GLI3: variants seen among roughly 807,000 people sequenced by gnomAD.
GLI3 encodes GLI family zinc finger 3.
In GLI3, 20 loss-of-function variants were observed where a neutral mutation model predicts 100.8. The observed-to-expected ratio is 0.20, with a 90% CI of 0.14 to 0.29. GLI3 has a LOEUF of 0.29. Among genes scored for constraint, GLI3 ranks in the 10% least tolerant of loss-of-function variants. The pLI is 1.00. For synonymous variants in GLI3, 938 were observed against 860.5 expected (o/e 1.09, Z -1.58); for missense variants, 2,040 against 2,128.5 (o/e 0.96, Z 0.82).
intron 3 of GLI3, among the ~76,000 whole-genome samples, chr7:42,118,954 A>T (rs899769801): frequency 6.6e-6 from 1 of 152,156 alleles, no homozygotes; most frequent in Admixed American, 6.5e-5. Context: ...CATTTGGGTG[A>T]CCCTTTCACA....
chr7:42,258,339 G>A (rs1233324898), intron 1 of GLI3, among the ~76,000 whole-genome samples: 3 of 152,188 alleles, frequency 2.0e-5, no homozygotes, highest in Non-Finnish European at 4.4e-5. Context: ...CTGTAATCAA[G>A]TAGGATTTTG....
intron 2 of GLI3, among the ~76,000 whole-genome samples, chr7:42,200,036 A>G (rs186234235): frequency 9.6e-4 from 146 of 152,320 alleles, no homozygotes; most frequent in African/African-American, 3.3e-3. Flanking sequence ...AGCCTGGACA[A>G]CAACAGCAAA....
intron 10 of GLI3, among the ~76,000 whole-genome samples, chr7:41,992,401 T>G (rs1788012297): frequency 6.6e-6 from 1 of 152,134 alleles, no homozygotes; most frequent in Non-Finnish European, 1.5e-5. Context: ...TGGAGATGCC[T>G]CCAGGACATC....
chr7:42,130,322 C>T (rs1786243624), intron 3 of GLI3, among the ~76,000 whole-genome samples: 1 of 152,050 alleles, frequency 6.6e-6, no homozygotes, highest in Admixed American at 6.5e-5. Flanking sequence ...GGGAATGACA[C>T]CCAAGGATCA....
At chr7:42,078,170 G>A (rs1191848661) in intron 3 of GLI3, among the ~76,000 whole-genome samples, 2 of 152,204 alleles carry the variant, frequency 1.3e-5, no homozygotes, top group African/African-American at 4.8e-5. Flanking sequence ...CGGCAACACC[G>A]CCATCCCAAC....
At chr7:42,099,825 C>G (rs1235080282) in intron 3 of GLI3, among the ~76,000 whole-genome samples, 1 of 152,254 alleles carries the variant, frequency 6.6e-6, no homozygotes, top group Non-Finnish European at 1.5e-5. Flanking sequence ...TCCACTGCAT[C>G]TGGCCATGAT....
chr7:42,178,840 G>A (rs1787534006), intron 2 of GLI3, among the ~76,000 whole-genome samples: 1 of 152,194 alleles, frequency 6.6e-6, no homozygotes, highest in Non-Finnish European at 1.5e-5. Context: ...GGCAGACAGA[G>A]CAAGGTGATC....
intron 9 of GLI3, 114 bp from the exon 10 acceptor site, chr7:42,023,722 T>G: frequency 1.1e-6 from 1 of 895,314 alleles, no homozygotes; most frequent in South Asian, 1.4e-5. Flanking sequence ...TCTAGGGTTT[T>G]GTGAAGTGAA....
At chr7:42,177,710 T>C (rs138711509) in intron 2 of GLI3, among the ~76,000 whole-genome samples, 9 of 152,164 alleles carry the variant, frequency 5.9e-5, no homozygotes, top group African/African-American at 1.4e-4. Flanking sequence ...TGAAAAAACA[T>C]AGATGGGCCA....
chr7:42,229,967 A>G (rs941392851), intron 1 of GLI3, among the ~76,000 whole-genome samples: 1 of 152,028 alleles, frequency 6.6e-6, no homozygotes, highest in Admixed American at 6.6e-5. Flanking sequence ...CCTTGTGTTC[A>G]AAATATCTTC....
At chr7:42,075,696 C>A (rs1032953539) in intron 4 of GLI3, among the ~76,000 whole-genome samples, 1 of 152,168 alleles carries the variant, frequency 6.6e-6, no homozygotes, top group Admixed American at 6.5e-5. Context: ...TATTACTTAC[C>A]TCCAGGCAAA....
chr7:41,978,140 G>A (rs556066612), intron 11 of GLI3, among the ~76,000 whole-genome samples: 8 of 152,330 alleles, frequency 5.3e-5, no homozygotes, highest in East Asian at 1.9e-4. Context: ...TGCCCAGTGC[G>A]CCTCGTGGGC....
At chr7:42,101,200 C>T (rs759128003) in intron 3 of GLI3, among the ~76,000 whole-genome samples, 2 of 152,182 alleles carry the variant, frequency 1.3e-5, no homozygotes, top group Admixed American at 6.5e-5. Context: ...GTATGCCCAT[C>T]GTCATTTTCT....
At chr7:42,127,942 G>A (rs2128775089) in intron 3 of GLI3, among the ~76,000 whole-genome samples, 1 of 150,940 alleles carries the variant, frequency 6.6e-6, no homozygotes, top group East Asian at 2.0e-4. Flanking sequence ...AACCCAGGAG[G>A]CAGGAGGCGG....
At chr7:42,199,304 A>G (rs1040928293) in intron 2 of GLI3, among the ~76,000 whole-genome samples, 34 of 152,222 alleles carry the variant, frequency 2.2e-4, no homozygotes, top group African/African-American at 6.5e-4. Flanking sequence ...ATCCACAGAC[A>G]TTAGTATGCA....
In GLI3 at chr7:42,051,752, A is replaced by C. The variant is rs369826267; in HGVS notation, c.474-3056T>G. Among the ~76,000 whole-genome samples the C allele has an allele frequency of 7.4e-3, 1,125 of 151,540 alleles. 20 individuals carry two copies. The highest frequency in any genetic ancestry group is 0.025 in the African/African-American group (1,045 of 41,274). Reference sequence around the variant, plus strand: ...TACAGAGATTTCCCATATAACCCCCACCCCCAGCCTCTACATATAAATAGC... The same window carrying C: ...TACAGAGATTTCCCATATAACCCCCCCCCCCAGCCTCTACATATAAATAGC... On this transcript the variant is annotated intron_variant, in intron 4 of 14. Coordinates refer to ENST00000395925, the MANE Select transcript of GLI3 (RefSeq NM_000168.6).
At chr7:42,254,917 TTAAAA>T (rs549652939) in intron 1 of GLI3, among the ~76,000 whole-genome samples, 2 of 152,118 alleles carry the variant, frequency 1.3e-5, no homozygotes, top group South Asian at 4.1e-4. Flanking sequence ...CTCATTGCTC[TTAAAA>T]TAAAATTCAA....
chr7:41,980,750 T>C (rs1562668235), intron 10 of GLI3, among the ~76,000 whole-genome samples: 1 of 152,248 alleles, frequency 6.6e-6, no homozygotes, highest in East Asian at 1.9e-4. Context: ...CTGCTTAAGG[T>C]TGGATCCATG....
Position 41,965,747 on chromosome 7 carries a change from T to C in GLI3, c.3326A>G (p.Glu1109Gly). 1 of 1,613,460 alleles carries C rather than the reference T, an allele frequency of 6.2e-7. No homozygotes were observed. Among genetic ancestry groups the C allele is most frequent in the Non-Finnish European group, 8.5e-7 (1 of 1,179,920 alleles). ...CGGGAGGGCGCTGGGGAAGTGCTGC[T>C]CGTACCCTGCTTGGTTCTGGGAATT... ...YLNSQNQAGYEQHFPSALPDD... is the reference protein window; with the variant it reads ...YLNSQNQAGYGQHFPSALPDD... Residue 1109 changes from glutamate (E) to glycine (G), a missense_variant, in exon 15 of 15, where the codon GAG becomes GGG. Around this residue, in one of 5 missense-constraint regions of GLI3, gnomAD observed 1,041 missense variants for 924.0 expected, o/e 1.13. Transcript: ENST00000395925.
Sources: gnomAD v4.1 joint callset for allele counts (sites outside exome capture counted in the v4.1 genomes callset) on GRCh38, gnomAD v4.1.1 for gene constraint, gnomAD v4.1.1 regional missense constraint, MANE v1.5 for transcripts, NCBI Gene and HGNC (gene_info 2026-07-23, HGNC 2026-07-21) for gene names.